Variants in DHDDS observed in about 807,000 individuals in gnomAD.
The protein encoded by DHDDS is dehydrodolichyl diphosphate synthase subunit.
DHDDS carries 16 observed loss-of-function variants against 46.2 expected under a neutral mutation model. The observed-to-expected ratio is 0.35, with a 90% confidence interval of 0.23 to 0.53. The LOEUF (loss-of-function observed/expected upper bound fraction) is 0.53, where lower values mean the gene tolerates loss of function less well. Among genes scored for constraint, DHDDS ranks in the 20% least tolerant of loss-of-function variants. The pLI is 0.94. For synonymous variants in DHDDS, 151 were observed against 163.1 expected, an observed-to-expected ratio of 0.93 and a Z score of 0.56; for missense variants, 340 against 423.7, an observed-to-expected ratio of 0.80 and a Z score of 1.73.
chr1:26,439,328 T>G (rs1027759534), intron 3 of DHDDS, among the ~76,000 whole-genome samples: 1 of 152,182 alleles, frequency 6.6e-6, no homozygotes, highest in African/African-American at 2.4e-5. Context: ...CTGATATAAT[T>G]TAACTGCTCC....
chr1:26,451,444 GTGTGTGTA>G (rs1229957069), intron 6 of DHDDS, among the ~76,000 whole-genome samples: 15 of 91,090 alleles, frequency 1.6e-4, no homozygotes, highest in East Asian at 4.9e-4. Context: ...GTGTGTGTGT[GTGTGTGTA>G]TTTTTGTTTT....
rs57753843 is a variant in DHDDS at position 26,453,093 on chromosome 1, A to AACACACAC, written c.543-4675_543-4668dup. On this transcript the variant is annotated intron_variant, in intron 6 of 8. Coordinates refer to ENST00000236342, the MANE Select transcript of DHDDS (RefSeq NM_205861.3). ...AACAACAGAGTGAAACCCTGTCTGA[A>AACACACAC]ACACACACACACACACACACACACA... Among the ~76,000 whole-genome samples, 469 of 146,512 alleles carry AACACACAC rather than the reference A, an allele frequency of 3.2e-3. 4 individuals are homozygous for AACACACAC. The highest frequency in any genetic ancestry group is 0.011 in the African/African-American group (454 of 40,044).
chr1:26,443,211 T>C (rs1423055214), intron 4 of DHDDS: 1 of 295,464 alleles, frequency 3.4e-6, no homozygotes, highest in Non-Finnish European at 6.5e-6. Context: ...TGCAGACCAG[T>C]TTTCTCTTGC....
intron 4 of DHDDS, chr1:26,443,100 A>T (rs2075235044): frequency 1.4e-6 from 1 of 700,262 alleles, no homozygotes; most frequent in African/African-American, 1.8e-5. Flanking sequence ...GAGGGGTGTC[A>T]CATGATTTAA....
intron 4 of DHDDS, 142 bp downstream of exon 4, chr1:26,443,015 C>A: frequency 1.4e-6 from 2 of 1,404,312 alleles, no homozygotes; most frequent in Non-Finnish European, 1.9e-6. Flanking sequence ...TGGCAAATAT[C>A]AGAAATACAA....
intron 7 of DHDDS, 23 bp from the exon 8 acceptor site, chr1:26,460,014 A>G (rs1307370875): frequency 6.3e-7 from 1 of 1,587,808 alleles, no homozygotes; most frequent in Non-Finnish European, 8.6e-7. Flanking sequence ...ACTAAATCAT[A>G]CTCTCCTCCC....
At chr1:26,443,716 A>G (rs1469620869) in intron 4 of DHDDS, among the ~76,000 whole-genome samples, 1 of 152,104 alleles carries the variant, frequency 6.6e-6, no homozygotes, top group African/African-American at 2.4e-5. Context: ...CCTTCTGTCT[A>G]TATTAGGATG....
At chr1:26,451,769 CA>C (rs1167972423) in intron 6 of DHDDS, among the ~76,000 whole-genome samples, 3 of 152,026 alleles carry the variant, frequency 2.0e-5, no homozygotes, top group African/African-American at 7.2e-5. Flanking sequence ...ACTGGGACTA[CA>C]GGCGCCTGCC....
At chr1:26,457,762 C>T (rs750623261) in intron 6 of DHDDS, 29 bp from the exon 7 acceptor site, 2 of 1,513,166 alleles carry the variant, frequency 1.3e-6, no homozygotes, top group South Asian at 2.2e-5. Flanking sequence ...GGATGTGTGC[C>T]TCTCTTTGTC....
chr1:26,447,523 C>A, intron 5 of DHDDS, 36 bp from the exon 6 acceptor site: 1 of 1,544,438 alleles, frequency 6.5e-7, no homozygotes, highest in Non-Finnish European at 9.0e-7. Context: ...AGTCCCTGTC[C>A]CCCTTTGGTA....
intron 8 of DHDDS, among the ~76,000 whole-genome samples, chr1:26,465,825 G>C (rs141699633): frequency 9.2e-5 from 14 of 152,274 alleles, no homozygotes; most frequent in Non-Finnish European, 2.1e-4. Flanking sequence ...TCATGTTTCT[G>C]GTAGGAGGTG....
At chr1:26,462,841 C>T (rs2075438698) in intron 8 of DHDDS, 2 of 152,168 alleles carry the variant, frequency 1.3e-5, no homozygotes, top group African/African-American at 4.8e-5. Flanking sequence ...GCCAGAGGGA[C>T]AAGATCTCTA....
chr1:26,436,227 C>T (rs1273858247), intron 2 of DHDDS, among the ~76,000 whole-genome samples: 2 of 151,908 alleles, frequency 1.3e-5, no homozygotes, highest in African/African-American at 4.8e-5. Flanking sequence ...GTGAGACCCC[C>T]GTCTCTACAA....
chr1:26,452,158 A>C (rs1008425839), intron 6 of DHDDS, among the ~76,000 whole-genome samples: 17 of 151,858 alleles, frequency 1.1e-4, no homozygotes, highest in African/African-American at 4.1e-4. Flanking sequence ...AGATCCTTCC[A>C]CCTCAGCTTC....
Position 26,442,937 on chromosome 1 carries a change from A to G in DHDDS, c.323+64A>G, listed in dbSNP as rs2075233287. The G allele has an allele frequency of 3.1e-6, 5 of 1,611,432 alleles. No individual in the cohort carries two copies. The Admixed American group carries it at 5.0e-5, about 16-fold the overall frequency. ...ACCCCCAGCCTTATCCTAACCCTTG[A>G]AATTCTGTTATCTGAGGCTTACTTA... On this transcript the variant is annotated intron_variant, in intron 4 of 8. Coordinates refer to ENST00000236342, the MANE Select transcript of DHDDS (RefSeq NM_205861.3).
At chr1:26,436,815 G>T (rs957358217) in intron 2 of DHDDS, among the ~76,000 whole-genome samples, 3 of 152,112 alleles carry the variant, frequency 2.0e-5, no homozygotes, top group African/African-American at 7.2e-5. Context: ...AGAGCATATG[G>T]TTGAAAGATT....
At chr1:26,464,414 T>C (rs1210419303) in intron 8 of DHDDS, among the ~76,000 whole-genome samples, 5 of 152,244 alleles carry the variant, frequency 3.3e-5, no homozygotes, top group Admixed American at 2.6e-4. Context: ...GCAGATACTA[T>C]TATTATTGCC....
Position 26,438,293 on chromosome 1 carries a change from G to A in DHDDS, c.180+9G>A, listed in dbSNP as rs1472332898. On this transcript the variant is annotated intron_variant, in intron 3 of 8. Transcript: ENST00000236342. ...TCAACAAGCTAGCTGAGGTGGGTGT[G>A]TATGGCAGAGCCCAAAGTGAACAGT... 1.2e-6 allele frequency: 2 copies of A among 1,612,110 alleles called. No individual in the cohort carries two copies. Among genetic ancestry groups the A allele is most frequent in the Non-Finnish European group, 1.7e-6 (2 of 1,178,328 alleles).
intron 3 of DHDDS, among the ~76,000 whole-genome samples, chr1:26,441,895 TAAA>T (rs71581065): frequency 8.1e-5 from 10 of 123,896 alleles, no homozygotes; most frequent in African/African-American, 9.2e-5. Flanking sequence ...GACTCCAGCT[TAAA>T]AAAAAAAAAA....
Sources: allele counts gnomAD v4.1 joint callset (sites outside exome capture counted in the v4.1 genomes callset), GRCh38; gene constraint gnomAD v4.1.1; transcripts MANE v1.5; gene names NCBI Gene and HGNC (gene_info 2026-07-23, HGNC 2026-07-21).